Variants in GLT1D1 observed in about 807,000 individuals in gnomAD.
GLT1D1 encodes glycosyltransferase 1 domain-containing protein 1.
A neutral mutation model predicts 28.7 loss-of-function variants in GLT1D1; 21 were observed. That is an observed-to-expected ratio of 0.73 (90% CI 0.52 to 1.05). The LOEUF is 1.05. GLT1D1 is among the 50% of genes least tolerant of loss of function. GLT1D1 has a pLI of 0.00. For missense variants in GLT1D1, 343 were observed against 330.6 expected, an observed-to-expected ratio of 1.04 and a Z score of -0.29; for synonymous variants, 147 against 124.8, an observed-to-expected ratio of 1.18 and a Z score of -1.19.
chr12:128,861,374 A>G (rs138108066), intron 1 of GLT1D1, among the ~76,000 whole-genome samples: 1 of 152,246 alleles, frequency 6.6e-6, no homozygotes, highest in Non-Finnish European at 1.5e-5. Flanking sequence ...CCCGTGCTCT[A>G]CATCTTGATA....
intron 2 of GLT1D1, among the ~76,000 whole-genome samples, chr12:128,885,952 A>G (rs1044074071): frequency 6.6e-6 from 1 of 152,190 alleles, no homozygotes; most frequent in African/African-American, 2.4e-5. Context: ...TAGCTCCCAC[A>G]ATTCCCGTGT....
chr12:128,939,066 C>T (rs976053190), intron 4 of GLT1D1, among the ~76,000 whole-genome samples: 1 of 152,024 alleles, frequency 6.6e-6, no homozygotes, highest in African/African-American at 2.4e-5. Flanking sequence ...TTGCACAAGA[C>T]GAGATCATTG....
At chr12:128,927,999 CAAAAAAAAAAAAAA>C (rs938188484) in intron 4 of GLT1D1, among the ~76,000 whole-genome samples, 6 of 42,250 alleles carry the variant, frequency 1.4e-4, no homozygotes, top group East Asian at 1.4e-3. Flanking sequence ...GACTCTGTCT[CAAAAAAAAAAAAAA>C]AAAAAAAAAA....
chr12:128,974,524 G>A lies in GLT1D1; in HGVS notation c.640-8405G>A, dbSNP rs116527670. Among the ~76,000 whole-genome samples the A allele has an allele frequency of 9.7e-3, 1,479 of 152,310 alleles. 28 individuals carry two copies. The highest frequency in any genetic ancestry group is 0.034 in the African/African-American group (1,431 of 41,562). ...TTGACCAGCACAATCGACCTCTGCT[G>A]TGCAAACGCCAGAAGGGAAAGAGGA... On this transcript the variant is annotated intron_variant, in intron 7 of 7. Coordinates refer to ENST00000281703, the MANE Select transcript of GLT1D1 (RefSeq NM_144669.3).
intron 1 of GLT1D1, among the ~76,000 whole-genome samples, chr12:128,855,397 T>C (rs1956193079): frequency 6.7e-6 from 1 of 149,022 alleles, no homozygotes; most frequent in African/African-American, 2.5e-5. Flanking sequence ...CCCTCATCTC[T>C]ACAAAAAAAA....
chr12:128,879,853 G>T (rs1172832606), intron 2 of GLT1D1, among the ~76,000 whole-genome samples: 3 of 152,176 alleles, frequency 2.0e-5, no homozygotes, highest in African/African-American at 7.2e-5. Flanking sequence ...TCATATCTTA[G>T]CTACTTTTCC....
At chr12:128,874,156 T>C (rs1293002631) in intron 1 of GLT1D1, among the ~76,000 whole-genome samples, 2 of 129,778 alleles carry the variant, frequency 1.5e-5, no homozygotes, top group Admixed American at 8.4e-5. Flanking sequence ...CTTTCTTTCT[T>C]TCTTTCTTTC....
chr12:128,959,496 G>A (rs1170307151), intron 7 of GLT1D1, among the ~76,000 whole-genome samples: 1 of 132,122 alleles, frequency 7.6e-6, no homozygotes, highest in Non-Finnish European at 1.6e-5. Context: ...CTGGCAGGGG[G>A]TGGGGGTGGA....
chr12:128,940,064 A>T (rs1450076112), intron 4 of GLT1D1, among the ~76,000 whole-genome samples: 1 of 151,344 alleles, frequency 6.6e-6, no homozygotes, highest in African/African-American at 2.4e-5. Context: ...CTCTCAATAG[A>T]TGTATTTTGT....
chr12:128,854,031 G>A (rs1486498062), intron 1 of GLT1D1, among the ~76,000 whole-genome samples: 2 of 152,094 alleles, frequency 1.3e-5, no homozygotes, highest in African/African-American at 4.8e-5. Flanking sequence ...CGCGTTTCCA[G>A]GCCGGGGACC....
intron 1 of GLT1D1, among the ~76,000 whole-genome samples, chr12:128,861,086 C>CT (rs1956354496): frequency 6.6e-6 from 1 of 151,938 alleles, no homozygotes; most frequent in African/African-American, 2.4e-5. Context: ...GGGTGCCCCC[C>CT]GTTATGCTAA....
chr12:128,919,062 T>G (rs1204459928), intron 4 of GLT1D1, among the ~76,000 whole-genome samples: 1 of 152,202 alleles, frequency 6.6e-6, no homozygotes, highest in African/African-American at 2.4e-5. Flanking sequence ...TAAGGGTAGA[T>G]GTAGGATTAA....
chr12:128,973,906 G>T (rs1272239573), intron 7 of GLT1D1, among the ~76,000 whole-genome samples: 6 of 119,524 alleles, frequency 5.0e-5, no homozygotes, highest in Admixed American at 1.7e-4. Context: ...GTGTGTAGGG[G>T]GTGTGTGTAG....
intron 1 of GLT1D1, among the ~76,000 whole-genome samples, chr12:128,862,328 CA>C (rs34391238): frequency 0.3 from 26,194 of 87,996 alleles, 2,338 homozygotes; most frequent in Admixed American, 0.35. Context: ...GACTCTGTCT[CA>C]AAAAAAAAAA....
rs1441555269 is a variant in GLT1D1, at chr12:128,984,912, T to TGTGGGAAGG, written c.*1824_*1832dup. The TGTGGGAAGG allele has an allele frequency of 6.6e-6, 1 of 152,234 alleles. No individual in the cohort carries two copies. Among genetic ancestry groups the TGTGGGAAGG allele is most frequent in the Non-Finnish European group, 1.5e-5 (1 of 68,044 alleles). The allele number at this position is 152,234 out of a possible 1,614,324, so 9.4% of individuals were successfully genotyped here. The stretch of plus-strand genomic sequence containing the variant: ...AAATGTGCACATGCCTCACGCACTA[T>TGTGGGAAGG]GTGGGAAGGGCGTGTTTTTAAATTA... On this transcript the variant is annotated 3_prime_UTR_variant, in exon 8 of 8. Transcript: ENST00000281703.
chr12:128,857,636 C>T (rs1956254036), intron 1 of GLT1D1, among the ~76,000 whole-genome samples: 1 of 152,128 alleles, frequency 6.6e-6, no homozygotes, highest in African/African-American at 2.4e-5. Context: ...ACTGGATGTT[C>T]TCCTCCAAAA....
chr12:128,919,990 TCC>T (rs148203308), intron 4 of GLT1D1, among the ~76,000 whole-genome samples: 148 of 6,378 alleles, frequency 0.023, 12 homozygotes, highest in African/African-American at 0.076. Flanking sequence ...TCTCTCTCTC[TCC>T]CCCTCCATCT....
intron 6 of GLT1D1, among the ~76,000 whole-genome samples, chr12:128,950,366 C>T (rs368133671): frequency 1.3e-4 from 20 of 152,288 alleles, no homozygotes; most frequent in Admixed American, 8.5e-4. Flanking sequence ...GCCATTGGCA[C>T]CCTCATTGAG....
chr12:128,969,796 C>T (rs1245093629), intron 7 of GLT1D1, among the ~76,000 whole-genome samples: 1 of 152,214 alleles, frequency 6.6e-6, no homozygotes, highest in Non-Finnish European at 1.5e-5. Context: ...GGAGGCATCT[C>T]TGCGTCATCC....
Sources: gnomAD v4.1 joint callset for allele counts (sites outside exome capture counted in the v4.1 genomes callset) on GRCh38, gnomAD v4.1.1 for gene constraint, MANE v1.5 for transcripts, NCBI Gene and HGNC (gene_info 2026-07-23, HGNC 2026-07-21) for gene names.